The following INPP5A variants were observed in gnomAD, a reference collection of about 807,000 sequenced individuals.
INPP5A encodes the protein 43 kDa inositol polyphosphate 5-phophatase.
Under a neutral mutation model 65.2 loss-of-function variants are expected in INPP5A, and 14 were observed. That is an observed-to-expected ratio of 0.21 (90% CI 0.14 to 0.34). The LOEUF (loss-of-function observed/expected upper bound fraction) is 0.34, where lower values mean the gene tolerates loss of function less well. INPP5A is among the 10% of genes least tolerant of loss of function. The probability of loss-of-function intolerance (pLI) is 1.00; values close to 1 mark genes in which losing one functional copy is unlikely to be tolerated. For synonymous variants in INPP5A, 207 were observed against 208.3 expected, an observed-to-expected ratio of 0.99 and a Z score of 0.05; for missense variants, 431 against 545.6, an observed-to-expected ratio of 0.79 and a Z score of 2.09.
intron 2 of INPP5A, among the ~76,000 whole-genome samples, chr10:132,613,175 C>T (rs183778501): frequency 1.1e-3 from 167 of 152,320 alleles, no homozygotes; most frequent in African/African-American, 3.8e-3. Flanking sequence ...TAGTAGAGTT[C>T]GCCAGTGGTG....
chr10:132,551,773 G>GCAGA lies in INPP5A; in HGVS notation c.75+13602_75+13603insCAGA, dbSNP rs1440228187. On this transcript the variant is annotated intron_variant, in intron 1 of 15. Transcript: ENST00000368594. The surrounding 1 kb of genome is among the most constrained non-coding windows in gnomAD (Gnocchi z 5.3). ...CTGACCAGCTAGGGAACAGAGGCAGGACCCAGGGGGACAGAGGCAGGACTG... is the reference window on the plus strand; with the variant it reads ...CTGACCAGCTAGGGAACAGAGGCAGGCAGAACCCAGGGGGACAGAGGCAGGACTG... Among the ~76,000 whole-genome samples, 1 of 152,150 alleles carries GCAGA rather than the reference G, an allele frequency of 6.6e-6. No homozygotes were observed. Among genetic ancestry groups the GCAGA allele is most frequent in the Non-Finnish European group, 1.5e-5 (1 of 68,026 alleles).
Position 132,782,628 on chromosome 10 carries a change from T to A in INPP5A, c.*599T>A, listed in dbSNP as rs907303107. ...TAAATATATATAAATATATACTTTT[T>A]AAAAATAATTTATAAATCTTACCAA... On this transcript the variant is annotated 3_prime_UTR_variant, in exon 16 of 16. Transcript: ENST00000368594. This position sits in a 1 kb window ranked among gnomAD's most constrained non-coding sequence, Gnocchi z 4.4. The A allele has an allele frequency of 1.3e-5, 2 of 150,954 alleles. No homozygotes were observed. The highest frequency in any genetic ancestry group is 6.6e-5 in the Admixed American group (1 of 15,132). The allele number at this position is 150,954 out of a possible 1,614,324, so 9.4% of individuals were successfully genotyped here.
At chr10:132,699,086 G>T (rs575203713) in intron 6 of INPP5A, among the ~76,000 whole-genome samples, 148 of 152,326 alleles carry the variant, frequency 9.7e-4, no homozygotes, top group African/African-American at 3.3e-3. Context: ...AGTTGGAAAG[G>T]ACATGCAAGA....
At chr10:132,607,769 C>G in intron 1 of INPP5A, 146 bp from the exon 2 acceptor site, 1 of 773,124 alleles carries the variant, frequency 1.3e-6, no homozygotes, top group South Asian at 1.6e-5. Context: ...GGGGTTTCCC[C>G]GTGCGGGTGG....
At chr10:132,687,214 T>C (rs1423155813) in intron 4 of INPP5A, among the ~76,000 whole-genome samples, 1 of 152,200 alleles carries the variant, frequency 6.6e-6, no homozygotes, top group Non-Finnish European at 1.5e-5. Flanking sequence ...AAAGTGCTGG[T>C]ATTACAGGCG....
chr10:132,712,979 GATGC>G (rs1213321803), intron 8 of INPP5A, among the ~76,000 whole-genome samples: 5 of 148,534 alleles, frequency 3.4e-5, no homozygotes, highest in African/African-American at 1.3e-4. Context: ...GATCTGTGTG[GATGC>G]ATGTGTGCTA....
intron 1 of INPP5A, among the ~76,000 whole-genome samples, chr10:132,576,547 C>T (rs2071413800): frequency 6.6e-6 from 1 of 152,182 alleles, no homozygotes; most frequent in African/African-American, 2.4e-5. Flanking sequence ...GTGTGCGTCC[C>T]CCACTGCATC....
intron 2 of INPP5A, among the ~76,000 whole-genome samples, chr10:132,609,021 A>G (rs572949279): frequency 5.9e-4 from 90 of 152,258 alleles, no homozygotes; most frequent in African/African-American, 2.0e-3. Context: ...CCAGCATGCA[A>G]TGGTGCTCTG....
chr10:132,561,886 A>C (rs1160257376), intron 1 of INPP5A, among the ~76,000 whole-genome samples: 1 of 152,006 alleles, frequency 6.6e-6, no homozygotes, highest in Non-Finnish European at 1.5e-5. Flanking sequence ...GGTCCTGGGG[A>C]GGGGAGCAGA....
At chr10:132,657,975 G>A (rs565003640) in intron 4 of INPP5A, among the ~76,000 whole-genome samples, 65 of 152,354 alleles carry the variant, frequency 4.3e-4, no homozygotes, top group Non-Finnish European at 7.6e-4. Flanking sequence ...CCCAGCACCT[G>A]CAGTCCCGTG....
chr10:132,669,961 T>C (rs1419343070), intron 4 of INPP5A, among the ~76,000 whole-genome samples: 2 of 151,392 alleles, frequency 1.3e-5, no homozygotes, highest in Non-Finnish European at 3.0e-5. Flanking sequence ...CAAACTCTTA[T>C]CTTCTCTTGG....
intron 6 of INPP5A, among the ~76,000 whole-genome samples, chr10:132,703,474 C>T (rs375603785): frequency 1.3e-4 from 19 of 145,070 alleles, no homozygotes; most frequent in African/African-American, 2.6e-4. Flanking sequence ...CACAGACACA[C>T]GTGGCTTCAC....
Position 132,627,547 on chromosome 10 carries a change from TC to T in INPP5A, c.118-18318del, listed in dbSNP as rs1438490368. Among the ~76,000 whole-genome samples, 1 of 152,138 alleles carries T rather than the reference TC, an allele frequency of 6.6e-6. No homozygotes were observed. Among genetic ancestry groups the T allele is most frequent in the Non-Finnish European group, 1.5e-5 (1 of 68,024 alleles). On this transcript the variant is annotated intron_variant, in intron 2 of 15. Transcript: ENST00000368594. The surrounding 1 kb of genome is among the most constrained non-coding windows in gnomAD (Gnocchi z 6.6). ...GGGCCAGTGCCTGGTCTGTCCCGAC[TC>T]CCTCTGTGTCCCCAGCTGCCAGCAA...
intron 2 of INPP5A, among the ~76,000 whole-genome samples, chr10:132,635,093 C>T (rs2133378303): frequency 6.6e-6 from 1 of 152,310 alleles, no homozygotes; most frequent in South Asian, 2.1e-4. Context: ...TTTGATGGCG[C>T]ATATTTGAAA....
chr10:132,618,174 G>A (rs1407720381), intron 2 of INPP5A, among the ~76,000 whole-genome samples: 1 of 152,158 alleles, frequency 6.6e-6, no homozygotes, highest in Non-Finnish European at 1.5e-5. Context: ...GTTTTAAATT[G>A]AGATAATAAA....
At chr10:132,684,372 C>T (rs1342425670) in intron 4 of INPP5A, among the ~76,000 whole-genome samples, 1 of 152,174 alleles carries the variant, frequency 6.6e-6, no homozygotes, top group Non-Finnish European at 1.5e-5. Flanking sequence ...TGTATACAGA[C>T]ATATGTATGT....
At chr10:132,649,843 C>T (rs1388885766) in intron 3 of INPP5A, among the ~76,000 whole-genome samples, 1 of 152,180 alleles carries the variant, frequency 6.6e-6, no homozygotes, top group East Asian at 1.9e-4. Flanking sequence ...TAAGGCCTTC[C>T]TGATGATAAA....
intron 1 of INPP5A, among the ~76,000 whole-genome samples, chr10:132,554,281 G>A (rs1181405419): frequency 6.6e-6 from 1 of 152,166 alleles, no homozygotes; most frequent in Admixed American, 6.5e-5. Flanking sequence ...TGTGGTCACC[G>A]GCTTCCCTGG....
At chr10:132,777,637 G>A (rs1044431012) in intron 12 of INPP5A, 34 bp from the exon 13 acceptor site, 28 of 1,599,224 alleles carry the variant, frequency 1.8e-5, no homozygotes, top group African/African-American at 6.7e-5. Context: ...GGCCCGAGCC[G>A]GCCGGCTGAC....
Sources: allele counts gnomAD v4.1 joint callset (sites outside exome capture counted in the v4.1 genomes callset), GRCh38; gene constraint gnomAD v4.1.1; non-coding constraint Gnocchi (gnomAD v3.1); transcripts MANE v1.5; gene names NCBI Gene and HGNC (gene_info 2026-07-23, HGNC 2026-07-21).